ART3: variants seen among roughly 807,000 people sequenced by gnomAD.
ART3 encodes ecto-ADP-ribosyltransferase 3.
In ART3, 49 loss-of-function variants were observed where a neutral mutation model predicts 48.5. That is an observed-to-expected ratio of 1.01 (90% CI 0.80 to 1.28). The LOEUF is 1.28. Ranked by LOEUF, ART3 falls within the 50% of genes most tolerant of loss-of-function variation. ART3 has a pLI of 0.00. For synonymous variants in ART3, 145 were observed against 157.2 expected, an observed-to-expected ratio of 0.92 and a Z score of 0.58; for missense variants, 438 against 454.3, an observed-to-expected ratio of 0.96 and a Z score of 0.33.
chr4:76,102,064 AC>A (rs1727451614), intron 8 of ART3, among the ~76,000 whole-genome samples: 1 of 152,232 alleles, frequency 6.6e-6, no homozygotes, highest in Non-Finnish European at 1.5e-5. Flanking sequence ...ATTGGGCAAC[AC>A]TTTATTCCAT....
intron 5 of ART3, chr4:76,099,189 C>T (rs755417314): frequency 6.0e-5 from 31 of 517,440 alleles, no homozygotes; most frequent in Non-Finnish European, 1.0e-4. Flanking sequence ...GTAGTCCCAG[C>T]TACTTGGGAG....
At chr4:76,050,165 A>G (rs1472630188) in intron 1 of ART3, among the ~76,000 whole-genome samples, 1 of 152,058 alleles carries the variant, frequency 6.6e-6, no homozygotes, top group African/African-American at 2.4e-5. Flanking sequence ...GAGTGAAAGA[A>G]CAAAGCTTCC....
chr4:76,068,858 T>G (rs1720005942), intron 1 of ART3, among the ~76,000 whole-genome samples: 1 of 152,202 alleles, frequency 6.6e-6, no homozygotes, highest in Non-Finnish European at 1.5e-5. Context: ...TTTGTTTTTG[T>G]TTTTAAGAAA....
chr4:76,044,281 A>G (rs539508130), intron 1 of ART3, among the ~76,000 whole-genome samples: 1 of 152,100 alleles, frequency 6.6e-6, no homozygotes, highest in Admixed American at 6.6e-5. Context: ...GGCATCTCAT[A>G]CTATCCCCGA....
chr4:76,073,674 C>A (rs369112136), upstream of ART3, among the ~76,000 whole-genome samples: 3 of 152,340 alleles, frequency 2.0e-5, no homozygotes, highest in South Asian at 4.1e-4. Flanking sequence ...ACCCAGCTAA[C>A]ATCTCAGATG....
At chr4:76,035,065 T>G (rs754653948) in intron 1 of ART3, 4 of 1,613,556 alleles carry the variant, frequency 2.5e-6, no homozygotes, top group Non-Finnish European at 3.4e-6. Context: ...TAAGCCTTGC[T>G]TGCTTCGATT....
intron 1 of ART3, among the ~76,000 whole-genome samples, chr4:76,030,732 A>G (rs535365466): frequency 6.6e-6 from 1 of 152,186 alleles, no homozygotes; most frequent in Admixed American, 6.5e-5. Context: ...GAATCATACA[A>G]TATGTGGTCC....
At chr4:76,020,081 T>C (rs1732643004) in intron 1 of ART3, among the ~76,000 whole-genome samples, 2 of 152,140 alleles carry the variant, frequency 1.3e-5, no homozygotes, top group Admixed American at 1.3e-4. Flanking sequence ...TTATGCTTCT[T>C]ACTTCTGTGA....
intron 11 of ART3, 37 bp from the exon 12 acceptor site, chr4:76,112,349 A>C (rs1168907116): frequency 1.3e-6 from 2 of 1,576,816 alleles, no homozygotes; most frequent in Non-Finnish European, 1.7e-6. Context: ...TTGACATAAA[A>C]AATGATGTGT....
At chr4:76,030,075 G>A (rs887757002) in intron 1 of ART3, among the ~76,000 whole-genome samples, 1 of 152,024 alleles carries the variant, frequency 6.6e-6, no homozygotes, top group Admixed American at 6.5e-5. Context: ...CTTTTTCTGA[G>A]ATGGAGTCTC....
chr4:76,106,965 A>AT (rs1198526226), intron 10 of ART3, among the ~76,000 whole-genome samples: 1 of 152,150 alleles, frequency 6.6e-6, no homozygotes, highest in African/African-American at 2.4e-5. Context: ...ATTCAGTAAA[A>AT]ACCATACTTC....
intron 3 of ART3, 35 bp downstream of exon 3, chr4:76,082,570 G>C (rs1722708129): frequency 1.3e-6 from 2 of 1,493,898 alleles, no homozygotes; most frequent in Admixed American, 4.2e-5. Context: ...TGGCTGGGAG[G>C]GAAGGAGTGG....
chr4:76,112,336 T>C (rs938044930), intron 11 of ART3, 50 bp from the exon 12 acceptor site: 5 of 1,569,996 alleles, frequency 3.2e-6, no homozygotes, highest in Middle Eastern at 1.7e-4. Context: ...AGGTGGATGA[T>C]ACTTGACATA....
Position 76,050,038 on chromosome 4 carries a change from G to A in ART3, c.-9-25843G>A, listed in dbSNP as rs199723272. Among the ~76,000 whole-genome samples the A allele has an allele frequency of 1.7e-4, 26 of 151,918 alleles. No individual in the cohort carries two copies. The South Asian group carries it at 3.5e-3, about 21-fold the overall frequency. ...GCGTCTGGAGTTGTTCGTTCCTCCC[G>A]GTGGGCTTATGGTCTCACTGGCTCA... On this transcript the variant is annotated intron_variant, in intron 1 of 9. Transcript: ENST00000341029.
chr4:76,026,273 ACTAT>A (rs1045911503), intron 1 of ART3, among the ~76,000 whole-genome samples: 4 of 152,196 alleles, frequency 2.6e-5, no homozygotes, highest in Non-Finnish European at 5.9e-5. Context: ...GGCATTTCAT[ACTAT>A]CTGATATTCA....
intron 1 of ART3, chr4:76,022,457 TG>T: frequency 6.2e-7 from 1 of 1,611,586 alleles, no homozygotes; most frequent in Non-Finnish European, 8.5e-7. Context: ...ATTGTAGCAC[TG>T]TAGAAATAAA....
At chr4:76,035,010 A>G in intron 1 of ART3, 1 of 1,558,170 alleles carries the variant, frequency 6.4e-7, no homozygotes, top group South Asian at 1.1e-5. Flanking sequence ...GTCTTGGATA[A>G]AACAGATTAT....
intron 11 of ART3, 119 bp from the exon 12 acceptor site, chr4:76,112,262 TATTTC>T (rs1729636855): frequency 8.3e-7 from 1 of 1,208,858 alleles, no homozygotes; most frequent in African/African-American, 1.5e-5. Flanking sequence ...TGGCTGGAAG[TATTTC>T]AGGTAAGTTT....
At chr4:76,102,226 G>A (rs564646301) in intron 8 of ART3, among the ~76,000 whole-genome samples, 5 of 152,308 alleles carry the variant, frequency 3.3e-5, no homozygotes, top group African/African-American at 1.2e-4. Flanking sequence ...TTTATTTCAG[G>A]CTACCTTTTT....
Sources: gnomAD v4.1 joint callset for allele counts (sites outside exome capture counted in the v4.1 genomes callset) on GRCh38, gnomAD v4.1.1 for gene constraint, MANE v1.5 for transcripts, NCBI Gene and HGNC (gene_info 2026-07-23, HGNC 2026-07-21) for gene names.